Variants in EXT1 observed in about 807,000 individuals in gnomAD.
EXT1 encodes the protein exostosin glycosyltransferase 1.
Under a neutral mutation model 82.5 loss-of-function variants are expected in EXT1, and 20 were observed. The observed-to-expected ratio is 0.24, with a 90% CI of 0.17 to 0.35. The LOEUF is 0.35. Among genes scored for constraint, EXT1 ranks in the 10% least tolerant of loss-of-function variants. EXT1 has a pLI of 1.00. For missense variants in EXT1, 757 were observed against 936.5 expected, an observed-to-expected ratio of 0.81 and a Z score of 2.50; for synonymous variants, 348 against 350.8, an observed-to-expected ratio of 0.99 and a Z score of 0.09.
At chr8:118,035,487 G>A (rs927861270) in intron 1 of EXT1, among the ~76,000 whole-genome samples, 18 of 151,638 alleles carry the variant, frequency 1.2e-4, no homozygotes, top group Admixed American at 1.2e-3. Flanking sequence ...TCTTTCTAAT[G>A]TATAATAATT....
At chr8:117,934,199 G>A (rs1298591858) in intron 1 of EXT1, among the ~76,000 whole-genome samples, 1 of 152,024 alleles carries the variant, frequency 6.6e-6, no homozygotes, top group African/African-American at 2.4e-5. Flanking sequence ...AGGCTTGTCG[G>A]GTTTTGTTCT....
intron 1 of EXT1, among the ~76,000 whole-genome samples, chr8:118,092,410 AGAG>A (rs1206440315): frequency 1.3e-5 from 2 of 152,208 alleles, no homozygotes; most frequent in African/African-American, 2.4e-5. Context: ...TCTGGGATAC[AGAG>A]GAGAATGAAT....
chr8:118,108,419 A>G (rs2130037167), intron 1 of EXT1, among the ~76,000 whole-genome samples: 1 of 152,324 alleles, frequency 6.6e-6, no homozygotes, highest in East Asian at 1.9e-4. Flanking sequence ...CTGAAAGGCT[A>G]TAAGCATTTT....
chr8:117,915,198 TC>T (rs1344963412), intron 1 of EXT1, among the ~76,000 whole-genome samples: 10 of 152,198 alleles, frequency 6.6e-5, no homozygotes, highest in Non-Finnish European at 1.5e-4. Flanking sequence ...GGGGGCGGGT[TC>T]CCCTGATATT....
intron 1 of EXT1, among the ~76,000 whole-genome samples, chr8:117,922,293 TAAAC>T (rs750664603): frequency 3.3e-5 from 5 of 152,118 alleles, no homozygotes; most frequent in East Asian, 1.9e-4. Flanking sequence ...GAGGTCTAAG[TAAAC>T]AAACAAACAA....
At chr8:117,804,920 A>G (rs755465313) in intron 9 of EXT1, 27 bp from the exon 10 acceptor site, 7 of 1,612,760 alleles carry the variant, frequency 4.3e-6, no homozygotes. Flanking sequence ...TGGGTTTCAC[A>G]GGGGGCCATT....
chr8:117,954,625 C>A (rs111282713), intron 1 of EXT1, among the ~76,000 whole-genome samples: 23 of 152,292 alleles, frequency 1.5e-4, no homozygotes, highest in Non-Finnish European at 2.9e-4. Flanking sequence ...TGTAATCCCA[C>A]CTATACAAGG....
intron 4 of EXT1, among the ~76,000 whole-genome samples, chr8:117,829,569 CTTTTT>C (rs35823668): frequency 1.0e-5 from 1 of 96,876 alleles, no homozygotes. Flanking sequence ...ATATATTTTT[CTTTTT>C]TTTTTTTTTT....
chr8:117,994,145 A>G (rs941117663), intron 1 of EXT1, among the ~76,000 whole-genome samples: 1 of 152,150 alleles, frequency 6.6e-6, no homozygotes, highest in Non-Finnish European at 1.5e-5. Flanking sequence ...ACAGCTCCCC[A>G]TTTGCCCAAG....
At chr8:118,006,881 C>T (rs973587152) in intron 1 of EXT1, among the ~76,000 whole-genome samples, 1 of 152,180 alleles carries the variant, frequency 6.6e-6, no homozygotes, top group Non-Finnish European at 1.5e-5. Context: ...AGGACCGTGG[C>T]CATGTAGAAA....
intron 1 of EXT1, among the ~76,000 whole-genome samples, chr8:117,872,499 TA>T (rs35228793): frequency 0.13 from 20,151 of 152,142 alleles, 1,384 homozygotes; most frequent in Middle Eastern, 0.17. Flanking sequence ...TATCAAATGT[TA>T]GGGGGATTAC....
At chr8:117,812,749 A>T in intron 8 of EXT1, 123 bp downstream of exon 8, 2 of 889,350 alleles carry the variant, frequency 2.2e-6, no homozygotes, top group Non-Finnish European at 1.8e-6. Context: ...CCAGCGCTGT[A>T]GGAAGTTTTG....
chr8:117,896,946 C>T (rs1256946620), intron 1 of EXT1, among the ~76,000 whole-genome samples: 2 of 152,156 alleles, frequency 1.3e-5, no homozygotes, highest in South Asian at 2.1e-4. Context: ...CCCAGCCCCC[C>T]AGCCTCTGCC....
intron 1 of EXT1, among the ~76,000 whole-genome samples, chr8:118,058,815 G>A (rs758354346): frequency 1.7e-4 from 26 of 152,104 alleles, no homozygotes; most frequent in African/African-American, 6.3e-4. Context: ...ACTGATTAAC[G>A]AATGAATGGA....
chr8:117,969,569 A>T (rs560271398), intron 1 of EXT1, among the ~76,000 whole-genome samples: 1 of 152,376 alleles, frequency 6.6e-6, no homozygotes, highest in African/African-American at 2.4e-5. Context: ...TGTATAATTT[A>T]AGAAATCACT....
intron 1 of EXT1, among the ~76,000 whole-genome samples, chr8:118,031,043 C>A (rs1055454858): frequency 6.6e-6 from 1 of 152,166 alleles, no homozygotes; most frequent in African/African-American, 2.4e-5. Flanking sequence ...TGAAGCAGGT[C>A]CCATGTGTAC....
chr8:118,022,310 C>T (rs73325937), intron 1 of EXT1, among the ~76,000 whole-genome samples: 7,974 of 142,642 alleles, frequency 0.056, 771 homozygotes, highest in African/African-American at 0.2. Flanking sequence ...TATACTTGGC[C>T]GGGCGCATAT....
chr8:117,964,623 GTGTT>G (rs879779532), intron 1 of EXT1, among the ~76,000 whole-genome samples: 8,701 of 149,700 alleles, frequency 0.058, 301 homozygotes, highest in African/African-American at 0.092. Context: ...GTGTGTGTGT[GTGTT>G]TGTTTGTTTG....
intron 1 of EXT1, among the ~76,000 whole-genome samples, chr8:118,081,090 G>A (rs913223028): frequency 6.6e-6 from 1 of 152,120 alleles, no homozygotes; most frequent in Non-Finnish European, 1.5e-5. Context: ...ATTTTACAGA[G>A]CAGCACTAAA....
Sources: gnomAD v4.1 joint callset for allele counts (sites outside exome capture counted in the v4.1 genomes callset) on GRCh38, gnomAD v4.1.1 for gene constraint, MANE v1.5 for transcripts, NCBI Gene and HGNC (gene_info 2026-07-23, HGNC 2026-07-21) for gene names.